Variants in IGSF3 observed in about 807,000 individuals in gnomAD.
The protein encoded by IGSF3 is immunoglobulin superfamily member 3.
Under a neutral mutation model 114.4 loss-of-function variants are expected in IGSF3, and 23 were observed. The ratio of observed to expected loss-of-function variants is 0.20; its 90% CI spans 0.14 to 0.28. The LOEUF is 0.28. IGSF3 is among the 10% of genes least tolerant of loss of function. The probability of loss-of-function intolerance (pLI) is 1.00; values close to 1 mark genes in which losing one functional copy is unlikely to be tolerated. For missense variants in IGSF3, 1,172 were observed against 1,591.5 expected (o/e 0.74, Z 4.48); for synonymous variants, 571 against 645.2 (o/e 0.88, Z 1.74).
intron 2 of IGSF3, among the ~76,000 whole-genome samples, chr1:116,643,726 G>A (rs1274292379): frequency 1.3e-5 from 2 of 152,254 alleles, no homozygotes; most frequent in Non-Finnish European, 2.9e-5. Context: ...TGTCACAGGT[G>A]TAGAAAGGGC....
chr1:116,611,865 C>G (rs1473158474), intron 4 of IGSF3, among the ~76,000 whole-genome samples: 1 of 151,986 alleles, frequency 6.6e-6, no homozygotes, highest in Non-Finnish European at 1.5e-5. Context: ...GTGCAGGGAC[C>G]AGTGCTAGTC....
In IGSF3 at chr1:116,596,198, C is replaced by T. The variant is rs1374605842; in HGVS notation, c.2029+3743G>A. Reference sequence around the variant, plus strand: ...AAGCTTGCTGCGATAAATGATATCACAGCAGTGGAAGGCTGATGGTAAACA... The same window carrying T: ...AAGCTTGCTGCGATAAATGATATCATAGCAGTGGAAGGCTGATGGTAAACA... On this transcript the variant is annotated intron_variant, in intron 7 of 10. Transcript: ENST00000369486. The surrounding 1 kb of genome is among the most constrained non-coding windows in gnomAD (Gnocchi z 4.1). 6.6e-6 allele frequency among the ~76,000 whole-genome samples: 1 copy of T among 152,214 alleles called. No individual in the cohort carries two copies. The highest frequency in any genetic ancestry group is 2.4e-5 in the African/African-American group (1 of 41,466).
chr1:116,626,874 C>A (rs1281207901), intron 2 of IGSF3, among the ~76,000 whole-genome samples: 1 of 152,164 alleles, frequency 6.6e-6, no homozygotes. Context: ...CGAGGGAGCC[C>A]TGCAGCCTGC....
chr1:116,577,144 G>A lies in IGSF3; in HGVS notation c.*168C>T, dbSNP rs1235232079. On this transcript the variant is annotated 3_prime_UTR_variant, in exon 11 of 11. Coordinates refer to ENST00000369486, the MANE Select transcript of IGSF3 (RefSeq NM_001007237.3). The surrounding 1 kb of genome is among the most constrained non-coding windows in gnomAD (Gnocchi z 5.7). ...TAGCTAACCAACCAAGACTGCCACC[G>A]AGAGGCAGTCTGTCTCTGTGACTGA... 12 of 668,756 alleles carry A rather than the reference G, an allele frequency of 1.8e-5. No homozygotes were observed. Among genetic ancestry groups the A allele is most frequent in the Non-Finnish European group, 2.7e-5 (11 of 400,408 alleles). The allele number at this position is 668,756 out of a possible 1,614,324, so 41.4% of individuals were successfully genotyped here.
In IGSF3 at chr1:116,629,077, T is replaced by C. The variant is rs1189895880; in HGVS notation, c.44-12620A>G. Among the ~76,000 whole-genome samples the C allele has an allele frequency of 2.6e-5, 4 of 151,966 alleles. No homozygotes were observed. The highest frequency in any genetic ancestry group is 4.4e-5 in the Non-Finnish European group (3 of 68,002). ...AGGTACAAGAATGAGCACTATACCA[T>C]AGGGGGGTGGGTCACAAAAGCAGGA... On this transcript the variant is annotated intron_variant, in intron 2 of 10. Coordinates refer to ENST00000369486, the MANE Select transcript of IGSF3 (RefSeq NM_001007237.3). The surrounding 1 kb of genome is among the most constrained non-coding windows in gnomAD (Gnocchi z 4.3).
At position 116,657,625 on chromosome 1, in the gene IGSF3, T is replaced by C. The variant is rs1648917478; in HGVS notation, c.43+8659A>G. On this transcript the variant is annotated intron_variant, in intron 2 of 10. Transcript: ENST00000369486. This position sits in a 1 kb window ranked among gnomAD's most constrained non-coding sequence, Gnocchi z 4.2. ...CAAAGATTTCAAAATACGGAGCTCC[T>C]GGGGGAAGGAGAGTTAATAAAATGG... Among the ~76,000 whole-genome samples the C allele has an allele frequency of 6.6e-6, 1 of 151,922 alleles. No homozygotes were observed. The highest frequency in any genetic ancestry group is 1.5e-5 in the Non-Finnish European group (1 of 67,970).
chr1:116,582,725 A>G lies in IGSF3; in HGVS notation c.2848+1920T>C, dbSNP rs1659654180. Among the ~76,000 whole-genome samples the G allele has an allele frequency of 6.6e-6, 1 of 152,248 alleles. No homozygotes were observed. Among genetic ancestry groups the G allele is most frequent in the African/African-American group, 2.4e-5 (1 of 41,464 alleles). On this transcript the variant is annotated intron_variant, in intron 9 of 10. Transcript: ENST00000369486. This position sits in a 1 kb window ranked among gnomAD's most constrained non-coding sequence, Gnocchi z 4.7. The stretch of plus-strand genomic sequence containing the variant: ...AGTTGAGTGGGAAAAAAGATCACAT[A>G]AAACAGTAAGATCCTGAGTTTGTTT...
chr1:116,619,481 C>CAT (rs1661340774), intron 2 of IGSF3, among the ~76,000 whole-genome samples: 1 of 152,318 alleles, frequency 6.6e-6, no homozygotes, highest in Admixed American at 6.5e-5. Flanking sequence ...CATTCAGCTG[C>CAT]ACCTGTTTAT....
Position 116,666,561 on chromosome 1 carries a change from C to A in IGSF3, c.-235G>T. 1.7e-6 allele frequency: 1 copy of A among 600,864 alleles called. No homozygotes were observed. The highest frequency in any genetic ancestry group is 3.0e-6 in the Non-Finnish European group (1 of 338,262). The allele number at this position is 600,864 out of a possible 1,614,324, so 37.2% of individuals were successfully genotyped here. A position where few individuals can be genotyped will look rare whatever the true frequency, so the allele number is the denominator to read the frequency against. ...GCTACAGGAAGGGTCCACAACAATT[C>A]GGAAGTCGCTCCCGGCTCCTGCCAC... On this transcript the variant is annotated 5_prime_UTR_variant, in exon 2 of 11. The change creates a premature stop within an existing upstream ORF in the 5' untranslated region. Coordinates refer to ENST00000369486, the MANE Select transcript of IGSF3 (RefSeq NM_001007237.3).
Position 116,587,319 on chromosome 1 carries a change from T to G in IGSF3, c.2440+1375A>C, listed in dbSNP as rs192226748. ...AATTACTTATATATGAATAAGTAAA[T>G]TAACAGAATGTCAGGTGGTGATATG... is the stretch of plus-strand genomic sequence containing the variant. On this transcript the variant is annotated intron_variant, in intron 8 of 10. Transcript: ENST00000369486. Among the ~76,000 whole-genome samples, 355 of 152,208 alleles carry G rather than the reference T, an allele frequency of 2.3e-3. 1 individual carries two copies. Among genetic ancestry groups the G allele is most frequent in the Admixed American group, 4.4e-3 (68 of 15,298 alleles).
chr1:116,587,661 G>A (rs776304209), intron 8 of IGSF3, among the ~76,000 whole-genome samples: 2 of 152,216 alleles, frequency 1.3e-5, no homozygotes, highest in Non-Finnish European at 2.9e-5. Flanking sequence ...TGTTTTAGAA[G>A]GGACCCCTAC....
At chr1:116,602,988 T>A (rs1427796361) in intron 6 of IGSF3, among the ~76,000 whole-genome samples, 2 of 152,222 alleles carry the variant, frequency 1.3e-5, no homozygotes, top group Non-Finnish European at 2.9e-5. Context: ...AGTAGAAACT[T>A]CTAGCCTTAG....
intron 2 of IGSF3, among the ~76,000 whole-genome samples, chr1:116,659,094 T>C (rs1363775763): frequency 6.6e-6 from 1 of 152,218 alleles, no homozygotes; most frequent in Non-Finnish European, 1.5e-5. Context: ...GTAGAGTTAA[T>C]ATGCCTTAAT....
chr1:116,623,560 C>T (rs1001923350), intron 2 of IGSF3, among the ~76,000 whole-genome samples: 2 of 152,096 alleles, frequency 1.3e-5, no homozygotes, highest in Admixed American at 6.6e-5. Flanking sequence ...ATGGCACACG[C>T]TATCAGGAGG....
At position 116,665,430 on chromosome 1, in the gene IGSF3, G is replaced by T. The variant is rs896582605; in HGVS notation, c.43+854C>A. Among the ~76,000 whole-genome samples the T allele has an allele frequency of 6.6e-6, 1 of 152,140 alleles. No homozygotes were observed. Among genetic ancestry groups the T allele is most frequent in the Non-Finnish European group, 1.5e-5 (1 of 68,026 alleles). On this transcript the variant is annotated intron_variant, in intron 2 of 10. Transcript: ENST00000369486. The surrounding 1 kb of genome is among the most constrained non-coding windows in gnomAD (Gnocchi z 4.0). ...GGGAAAGAGAATGGCACCAAATCCT[G>T]GCAATGAAGTTTATCCTAGACCTGA...
chr1:116,621,478 A>T (rs1661415630), intron 2 of IGSF3, among the ~76,000 whole-genome samples: 1 of 152,074 alleles, frequency 6.6e-6, no homozygotes, highest in African/African-American at 2.4e-5. Flanking sequence ...CCCCAACAAC[A>T]TCTTGACTGC....
rs1231022273 is a variant in IGSF3, at chr1:116,649,093, A to G, written c.43+17191T>C. Among the ~76,000 whole-genome samples, 3 of 152,148 alleles carry G rather than the reference A, an allele frequency of 2.0e-5. No homozygotes were observed. Among genetic ancestry groups the G allele is most frequent in the African/African-American group, 4.8e-5 (2 of 41,436 alleles). On this transcript the variant is annotated intron_variant, in intron 2 of 10. Coordinates refer to ENST00000369486, the MANE Select transcript of IGSF3 (RefSeq NM_001007237.3). This position sits in a 1 kb window ranked among gnomAD's most constrained non-coding sequence, Gnocchi z 4.5. ...AGCTGTCAGCACTGCCACCCATTAC[A>G]GCTTCAGATCTCGCTTCTACCAGGA...
At position 116,615,286 on chromosome 1, in the gene IGSF3, T is replaced by TACACACAC. The variant is rs149128129; in HGVS notation, c.421+786_421+793dup. Among the ~76,000 whole-genome samples, 2 of 142,780 alleles carry TACACACAC rather than the reference T, an allele frequency of 1.4e-5. No homozygotes were observed. Among genetic ancestry groups the TACACACAC allele is most frequent in the African/African-American group, 2.6e-5 (1 of 38,676 alleles). 93.7% of individuals were successfully genotyped at this position (142,780 alleles called of 152,430 possible). On this transcript the variant is annotated intron_variant, in intron 3 of 10. Coordinates refer to ENST00000369486, the MANE Select transcript of IGSF3 (RefSeq NM_001007237.3). This position sits in a 1 kb window ranked among gnomAD's most constrained non-coding sequence, Gnocchi z 4.3. ...CGAAGCTCCATCACACATACACACA[T>TACACACAC]ACACACACACACACACACACGAAAA...
intron 2 of IGSF3, among the ~76,000 whole-genome samples, chr1:116,652,605 G>A (rs1187629977): frequency 6.6e-6 from 1 of 152,124 alleles, no homozygotes; most frequent in Non-Finnish European, 1.5e-5. Flanking sequence ...GAAAATAAAG[G>A]AATGACAATT....
Sources: allele counts gnomAD v4.1 joint callset (sites outside exome capture counted in the v4.1 genomes callset), GRCh38; gene constraint gnomAD v4.1.1; non-coding constraint Gnocchi (gnomAD v3.1); transcripts MANE v1.5; gene names NCBI Gene and HGNC (gene_info 2026-07-23, HGNC 2026-07-21).